The following CNTNAP2 variants were observed in gnomAD, a reference collection of about 807,000 sequenced individuals.
CNTNAP2 encodes the protein contactin-associated protein-like 2.
A neutral mutation model predicts 155.2 loss-of-function variants in CNTNAP2; 98 were observed. The ratio of observed to expected loss-of-function variants is 0.63; its 90% CI spans 0.54 to 0.75. The LOEUF is 0.75. CNTNAP2 is among the 30% of genes least tolerant of loss of function. The pLI, the probability that CNTNAP2 is intolerant of heterozygous loss-of-function variation, is 0.00. For missense variants in CNTNAP2, 1,727 were observed against 1,688.1 expected (o/e 1.02, Z -0.40); for synonymous variants, 651 against 631.2 (o/e 1.03, Z -0.47).
intron 3 of CNTNAP2, among the ~76,000 whole-genome samples, chr7:146,930,019 G>T (rs1342836945): frequency 1.3e-5 from 2 of 152,206 alleles, no homozygotes; most frequent in Non-Finnish European, 1.5e-5. Context: ...CACTCTGCAG[G>T]ATATTATCCA....
Position 147,395,778 on chromosome 7 carries a change from C to G in CNTNAP2, c.1668C>G (p.Asp556Glu), listed in dbSNP as rs1446141045. ...NVSIDMCAIIDRCVPNHCEHG... is the reference protein window; with the variant it reads ...NVSIDMCAIIERCVPNHCEHG... ...GCATTGACATGTGTGCGATCATAGA[C>G]AGGTAAATGATCTTTTCATCCTACC... Residue 556 changes from aspartate (D) to glutamate (E), a missense_variant and splice_region_variant, in exon 10 of 24, where the codon GAC becomes GAG. Coordinates refer to ENST00000361727, the MANE Select transcript of CNTNAP2 (RefSeq NM_014141.6). The G allele has an allele frequency of 6.2e-7, 1 of 1,611,896 alleles. No homozygotes were observed. The highest frequency in any genetic ancestry group is 8.5e-7 in the Non-Finnish European group (1 of 1,178,388).
chr7:148,217,701 A>C (rs1275399529), intron 19 of CNTNAP2, among the ~76,000 whole-genome samples, 177 bp downstream of exon 19: 2 of 152,272 alleles, frequency 1.3e-5, no homozygotes, highest in African/African-American at 4.8e-5. Flanking sequence ...ACAACTTGCC[A>C]GCTGGGTGTG....
chr7:147,385,463 C>A (rs905743412), intron 9 of CNTNAP2, among the ~76,000 whole-genome samples: 2 of 152,158 alleles, frequency 1.3e-5, no homozygotes, highest in African/African-American at 2.4e-5. Context: ...ACACAATGGG[C>A]GTACAGGCAT....
At chr7:146,443,146 G>A (rs1639452) in intron 1 of CNTNAP2, among the ~76,000 whole-genome samples, 5,388 of 151,776 alleles carry the variant, frequency 0.035, 337 homozygotes, top group African/African-American at 0.12. Context: ...CTCGGGAGGC[G>A]GAGGTTGCAG....
At chr7:146,634,992 G>A (rs1799574220) in intron 1 of CNTNAP2, among the ~76,000 whole-genome samples, 1 of 152,116 alleles carries the variant, frequency 6.6e-6, no homozygotes, top group Non-Finnish European at 1.5e-5. Flanking sequence ...TAAAGCTACT[G>A]TTAGGAACTT....
At chr7:146,412,463 G>A (rs1016982991) in intron 1 of CNTNAP2, among the ~76,000 whole-genome samples, 2 of 152,194 alleles carry the variant, frequency 1.3e-5, no homozygotes, top group African/African-American at 2.4e-5. Flanking sequence ...AATCAGGTCA[G>A]AGAATCCAGA....
intron 3 of CNTNAP2, among the ~76,000 whole-genome samples, chr7:146,869,248 GC>G (rs1391678585): frequency 1.3e-5 from 2 of 152,040 alleles, no homozygotes; most frequent in African/African-American, 4.8e-5. Context: ...TTTATTGAAA[GC>G]CTTTTATGCA....
intron 4 of CNTNAP2, among the ~76,000 whole-genome samples, chr7:147,076,474 G>T (rs1800003650): frequency 6.6e-6 from 1 of 152,082 alleles, no homozygotes; most frequent in Admixed American, 6.6e-5. Flanking sequence ...CTTTTTGATG[G>T]GGTTGTTTGA....
chr7:147,045,790 CT>C (rs1350490124), intron 4 of CNTNAP2, among the ~76,000 whole-genome samples: 10 of 151,858 alleles, frequency 6.6e-5, no homozygotes, highest in Non-Finnish European at 1.3e-4. Context: ...CCATGTTTAA[CT>C]TTTAGTAAAT....
intron 1 of CNTNAP2, among the ~76,000 whole-genome samples, chr7:146,350,860 A>T (rs372769306): frequency 1.3e-5 from 2 of 152,028 alleles, no homozygotes; most frequent in African/African-American, 2.4e-5. Flanking sequence ...TAAAAAATGA[A>T]GAGTTCATGT....
chr7:147,877,028 CTGTT>C (rs1799432452), intron 13 of CNTNAP2, among the ~76,000 whole-genome samples: 1 of 152,028 alleles, frequency 6.6e-6, no homozygotes, highest in African/African-American at 2.4e-5. Context: ...CCACGTGGGG[CTGTT>C]TGTCATTGGG....
chr7:146,254,129 G>GCA (rs3050025), intron 1 of CNTNAP2, among the ~76,000 whole-genome samples: 4,784 of 144,928 alleles, frequency 0.033, 80 homozygotes, highest in South Asian at 0.045. Context: ...ATTGCTACTT[G>GCA]CACACACACA....
intron 16 of CNTNAP2, among the ~76,000 whole-genome samples, chr7:148,123,492 G>A (rs1804642352): frequency 6.6e-6 from 1 of 152,072 alleles, no homozygotes; most frequent in Admixed American, 6.6e-5. Context: ...CTCCTGCCCA[G>A]AGGCTGAGGC....
At chr7:148,134,643 A>C (rs1306204117) in intron 16 of CNTNAP2, among the ~76,000 whole-genome samples, 1 of 152,240 alleles carries the variant, frequency 6.6e-6, no homozygotes, top group Non-Finnish European at 1.5e-5. Flanking sequence ...AATCGTATAC[A>C]ATAAAATAAT....
intron 9 of CNTNAP2, among the ~76,000 whole-genome samples, chr7:147,357,472 T>A (rs1205419138): frequency 1.3e-5 from 2 of 152,104 alleles, no homozygotes; most frequent in Non-Finnish European, 2.9e-5. Flanking sequence ...GGTGATGGAA[T>A]CTGTTGATCC....
chr7:148,409,788 AC>A lies in CNTNAP2; in HGVS notation c.3796+318del, dbSNP rs1799785201. ...AAAAATTAGCTGGGCGCGGTGGCTCACGCCTGTAATCCCAGCACTTTGGGAG... is the reference window on the plus strand; with the variant it reads ...AAAAATTAGCTGGGCGCGGTGGCTCAGCCTGTAATCCCAGCACTTTGGGAG... On this transcript the variant is annotated intron_variant, in intron 23 of 23. Coordinates refer to ENST00000361727, the MANE Select transcript of CNTNAP2 (RefSeq NM_014141.6). Among the ~76,000 whole-genome samples the A allele has an allele frequency of 1.6e-5, 2 of 125,444 alleles. 1 individual carries two copies. Among genetic ancestry groups the A allele is most frequent in the South Asian group, 5.6e-4 (2 of 3,572 alleles). 82.3% of individuals were successfully genotyped at this position (125,444 alleles called of 152,430 possible).
chr7:147,478,977 G>GC (rs1394045802), intron 10 of CNTNAP2, among the ~76,000 whole-genome samples: 1 of 152,192 alleles, frequency 6.6e-6, no homozygotes, highest in Non-Finnish European at 1.5e-5. Context: ...AGATACTTGA[G>GC]CAAGAGCAGG....
rs752272112 is a variant in CNTNAP2, at chr7:147,097,240, G to A, written c.551-10907G>A. On this transcript the variant is annotated intron_variant, in intron 4 of 23. Transcript: ENST00000361727. ...TCGTCCTGACAAATTTGTAGGGGTT[G>A]TTGATGGATGTATAGCGTTCAGAAC... 5.2e-4 allele frequency among the ~76,000 whole-genome samples: 79 copies of A among 152,194 alleles called. 1 individual carries two copies. The highest frequency in any genetic ancestry group is 8.7e-4 in the Non-Finnish European group (59 of 68,026).
At chr7:146,831,465 C>T (rs763262490) in intron 2 of CNTNAP2, among the ~76,000 whole-genome samples, 2 of 151,752 alleles carry the variant, frequency 1.3e-5, no homozygotes, top group Non-Finnish European at 2.9e-5. Context: ...ATCATGAGGT[C>T]GAGAGATCGA....
Sources: allele counts gnomAD v4.1 joint callset (sites outside exome capture counted in the v4.1 genomes callset), GRCh38; gene constraint gnomAD v4.1.1; transcripts MANE v1.5; gene names NCBI Gene and HGNC (gene_info 2026-07-23, HGNC 2026-07-21).